Variants in TBC1D31 observed in about 807,000 individuals in gnomAD.
TBC1D31 encodes WD repeat domain 67.
A neutral mutation model predicts 132.9 loss-of-function variants in TBC1D31; 99 were observed. The observed-to-expected ratio is 0.74, with a 90% CI of 0.63 to 0.88. TBC1D31 has a LOEUF of 0.88. TBC1D31 is among the 40% of genes least tolerant of loss of function. TBC1D31 has a pLI of 0.00. For synonymous variants in TBC1D31, 385 were observed against 419.4 expected (o/e 0.92, Z 1.00); for missense variants, 1,134 against 1,256.6 (o/e 0.90, Z 1.48).
chr8:123,128,604 C>A, intron 14 of TBC1D31, 91 bp downstream of exon 14: 1 of 1,006,820 alleles, frequency 9.9e-7, no homozygotes, highest in Non-Finnish European at 1.5e-6. Flanking sequence ...TGGCTGAGCG[C>A]GGTGGCTCAC....
At chr8:123,084,685 T>C (rs1486356185) in intron 4 of TBC1D31, among the ~76,000 whole-genome samples, 1 of 152,232 alleles carries the variant, frequency 6.6e-6, no homozygotes, top group African/African-American at 2.4e-5. Context: ...GTACATTCAG[T>C]ATCTAGATTC....
At chr8:123,113,999 C>T (rs1326884561) in intron 10 of TBC1D31, among the ~76,000 whole-genome samples, 2 of 152,012 alleles carry the variant, frequency 1.3e-5, no homozygotes, top group African/African-American at 4.8e-5. Context: ...TGAAACAATA[C>T]TACAAAATAA....
chr8:123,130,821 C>T (rs1424846315), intron 16 of TBC1D31, among the ~76,000 whole-genome samples: 2 of 151,728 alleles, frequency 1.3e-5, no homozygotes, highest in African/African-American at 4.8e-5. Context: ...GGGATTTCAT[C>T]ATGTTGGCTA....
At chr8:123,098,225 C>G (rs1395327995) in intron 6 of TBC1D31, among the ~76,000 whole-genome samples, 7 of 152,306 alleles carry the variant, frequency 4.6e-5, no homozygotes, top group Middle Eastern at 3.4e-3. Flanking sequence ...TCACCTCCCC[C>G]CATATCCACT....
chr8:123,085,354 AG>A, intron 4 of TBC1D31, among the ~76,000 whole-genome samples: 1 of 152,162 alleles, frequency 6.6e-6, no homozygotes, highest in Non-Finnish European at 1.5e-5. Flanking sequence ...ACCATGGACT[AG>A]TGTTGCCTAT....
intron 3 of TBC1D31, 97 bp downstream of exon 3, chr8:123,082,914 C>G (rs1193068471): frequency 2.9e-5 from 21 of 728,310 alleles, no homozygotes; most frequent in African/African-American, 5.3e-5. Context: ...GGGGGCAGTC[C>G]CCATGACAGC....
chr8:123,128,994 G>A (rs979337956), intron 14 of TBC1D31, 72 bp from the exon 15 acceptor site: 11 of 981,126 alleles, frequency 1.1e-5, no homozygotes, highest in South Asian at 4.9e-5. Flanking sequence ...TACATTAATC[G>A]GTATACATTT....
intron 7 of TBC1D31, among the ~76,000 whole-genome samples, chr8:123,101,705 G>A (rs1166496691): frequency 1.3e-5 from 2 of 151,982 alleles, no homozygotes; most frequent in East Asian, 1.9e-4. Context: ...GAGCCACCAC[G>A]CCCAGCCCAA....
At chr8:123,094,570 A>G (rs1423319270) in intron 5 of TBC1D31, among the ~76,000 whole-genome samples, 2 of 151,032 alleles carry the variant, frequency 1.3e-5, no homozygotes, top group African/African-American at 2.4e-5. Context: ...ACGAAGTCTC[A>G]TTCTTGTCCC....
chr8:123,151,875 T>G lies in TBC1D31; in HGVS notation c.3137T>G (p.Leu1046Arg), dbSNP rs765471958. 1.9e-6 allele frequency: 3 copies of G among 1,593,140 alleles called. No homozygotes were observed. The South Asian group carries it at 3.5e-5, about 19-fold the overall frequency. Residue 1046 changes from leucine (L) to arginine (R), a missense_variant, in exon 22 of 22, where the codon CTT becomes CGT. Transcript: ENST00000287380. ...GQNLIKKVRN[L>R]RQRLTARARH... ...AATCTTATTAAGAAAGTGAGAAATC[T>G]TCGCCAGAGACTCACTGCCCGGGCT...
Position 123,147,081 on chromosome 8 carries a change from G to A in TBC1D31, c.2974+2226G>A, listed in dbSNP as rs534753298. On this transcript the variant is annotated intron_variant, in intron 20 of 21. Transcript: ENST00000287380. ...AGAGGAGTAGAATGTGACTCTGCAC[G>A]AATTAAATATTTAAAACTGGCTTAC... 1.3e-3 allele frequency among the ~76,000 whole-genome samples: 191 copies of A among 152,158 alleles called. 1 individual carries two copies. Among genetic ancestry groups the A allele is most frequent in the African/African-American group, 4.2e-3 (174 of 41,494 alleles).
intron 4 of TBC1D31, among the ~76,000 whole-genome samples, 188 bp from the exon 5 acceptor site, chr8:123,093,403 T>G (rs560451336): frequency 4.1e-5 from 5 of 123,078 alleles, no homozygotes; most frequent in Non-Finnish European, 9.8e-5. Flanking sequence ...GTTTGAAGGG[T>G]TTTTTTTTTA....
At chr8:123,080,142 A>C (rs972077499) in intron 2 of TBC1D31, among the ~76,000 whole-genome samples, 1 of 152,246 alleles carries the variant, frequency 6.6e-6, no homozygotes, top group Non-Finnish European at 1.5e-5. Flanking sequence ...TCCAGGTATT[A>C]GTATGAGATG....
chr8:123,161,875 G>C, the TBC1D31 span, among the ~76,000 whole-genome samples: 1 of 151,716 alleles, frequency 6.6e-6, no homozygotes, highest in South Asian at 2.1e-4. Context: ...AAAATTAGCC[G>C]GGCGTGGTGG....
intron 11 of TBC1D31, among the ~76,000 whole-genome samples, chr8:123,121,548 A>C (rs1030854809): frequency 8.5e-5 from 13 of 152,052 alleles, no homozygotes; most frequent in African/African-American, 3.1e-4. Flanking sequence ...TCGCTCAGTT[A>C]GTTCACACGA....
chr8:123,118,402 A>C (rs2130676253), intron 10 of TBC1D31, among the ~76,000 whole-genome samples: 1 of 152,332 alleles, frequency 6.6e-6, no homozygotes, highest in Non-Finnish European at 1.5e-5. Flanking sequence ...ATTTCAAAAC[A>C]GAAAGTTAAA....
At chr8:123,135,738 C>A (rs1262553055) in intron 17 of TBC1D31, among the ~76,000 whole-genome samples, 1 of 152,208 alleles carries the variant, frequency 6.6e-6, no homozygotes, top group African/African-American at 2.4e-5. Context: ...AGTCTCCACA[C>A]TGAATTTCTT....
Position 123,077,179 on chromosome 8 carries a change from CT to C in TBC1D31, c.150del (p.Phe50LeufsTer8). On this transcript the variant is annotated frameshift_variant, in exon 2 of 22. Transcript: ENST00000287380. LOFTEE classifies it high-confidence loss of function. ...AAAGTTTTGCGATTTTTGAATGTGG[CT>C]TTTGATGGCACAGGCGACTGCTTAA... is the stretch of plus-strand genomic sequence containing the variant. ...HPKVLRFLNVAFDGTGDCLIA... is the reference protein window; with the variant it reads ...HPKVLRFLNVXFDGTGDCLIA... 1 of 1,612,936 alleles carries C rather than the reference CT, an allele frequency of 6.2e-7. No homozygotes were observed. The highest frequency in any genetic ancestry group is 1.7e-5 in the Admixed American group (1 of 59,780).
Position 123,118,583 on chromosome 8 carries a change from A to G in TBC1D31, c.1437-1472A>G, listed in dbSNP as rs549727578. Reference sequence around the variant, plus strand: ...AAGACTCATGTAAAACTGAAAAAACATATGCAAAACCTGACAAATGAAACG... The same window carrying G: ...AAGACTCATGTAAAACTGAAAAAACGTATGCAAAACCTGACAAATGAAACG... On this transcript the variant is annotated intron_variant, in intron 10 of 21. Transcript: ENST00000287380. Among the ~76,000 whole-genome samples, 7 of 152,300 alleles carry G rather than the reference A, an allele frequency of 4.6e-5. No individual in the cohort carries two copies. The East Asian group carries it at 1.4e-3, about 29-fold the overall frequency.
Sources: gnomAD v4.1 joint callset for allele counts (sites outside exome capture counted in the v4.1 genomes callset) on GRCh38, gnomAD v4.1.1 for gene constraint, MANE v1.5 for transcripts, NCBI Gene and HGNC (gene_info 2026-07-23, HGNC 2026-07-21) for gene names.